Variants in INSRR observed in about 807,000 individuals in gnomAD.
INSRR encodes insulin receptor related receptor.
Under a neutral mutation model 130.0 loss-of-function variants are expected in INSRR, and 114 were observed. That is an observed-to-expected ratio of 0.88 (90% CI 0.75 to 1.02). INSRR has a LOEUF of 1.02. INSRR is among the 50% of genes least tolerant of loss of function. The pLI is 0.00. For missense variants in INSRR, 1,657 were observed against 1,735.2 expected (o/e 0.95, Z 0.80); for synonymous variants, 674 against 705.2 (o/e 0.96, Z 0.70).
Position 156,853,984 on chromosome 1 carries a change from C to T in INSRR, c.405G>A (p.Leu135=), listed in dbSNP as rs760570356. 5.6e-6 allele frequency: 9 copies of T among 1,613,468 alleles called. No homozygotes were observed. In the Admixed American group the frequency reaches 1.5e-4, roughly 27 times the overall value. ...TCTTCTCCACACGCACAGCCCCACGCAGCACGGCCCCAAGTGCAGGCAGTG... is the reference window on the plus strand; with the variant it reads ...TCTTCTCCACACGCACAGCCCCACGTAGCACGGCCCCAAGTGCAGGCAGTG... ...DVALPALGAV[L]RGAVRVEKNQ... Residue 135 remains leucine, a synonymous_variant, in exon 2 of 22, where the codon CTG becomes CTA. Coordinates refer to ENST00000368195, the MANE Select transcript of INSRR (RefSeq NM_014215.3).
In INSRR at chr1:156,849,334, G is replaced by A; in HGVS notation, c.1356C>T (p.His452=). 2 of 1,614,022 alleles carry A rather than the reference G, an allele frequency of 1.2e-6. No homozygotes were observed. The highest frequency in any genetic ancestry group is 1.7e-6 in the Non-Finnish European group (2 of 1,180,020). The stretch of plus-strand genomic sequence containing the variant: ...CTGTCACCTCCTCCAGTCGGTAGAT[G>A]TGTTCCAAGCAGAGGCGCGGGTTGA... ...FAFNPRLCLE[H]IYRLEEVTGT... is the part of the protein sequence containing the mutation. The change falls in exon 6 of 22, where the codon CAC becomes CAT. Residue 452 remains histidine, a synonymous_variant. Coordinates refer to ENST00000368195, the MANE Select transcript of INSRR (RefSeq NM_014215.3).
In INSRR at chr1:156,846,613, T is replaced by C; in HGVS notation, c.1716A>G (p.Ala572=). The change falls in exon 8 of 22, where the codon GCA becomes GCG. Residue 572 remains alanine, a synonymous_variant. Coordinates refer to ENST00000368195, the MANE Select transcript of INSRR (RefSeq NM_014215.3). ...LASLKPWTQY[A]VFVRAITLTT... ...TTAGCGTGATGGCCCGCACAAACAC[T>C]GCGTACTGTGTCCAAGGCTTGAGGG... The C allele has an allele frequency of 6.2e-7, 1 of 1,614,176 alleles. No homozygotes were observed. Among genetic ancestry groups the C allele is most frequent in the Non-Finnish European group, 8.5e-7 (1 of 1,180,012 alleles).
At position 156,844,757 on chromosome 1, in the gene INSRR, G is replaced by T; in HGVS notation, c.2524C>A (p.Pro842Thr). Residue 842 changes from proline (P) to threonine (T), a missense_variant, in exon 13 of 22, where the codon CCC (proline) becomes ACC (threonine). Coordinates refer to ENST00000368195, the MANE Select transcript of INSRR (RefSeq NM_014215.3). ...VLLRWLEPPD[P>T]NGLILKYEIK... ...TCGTACTTGAGGATGAGTCCGTTGG[G>T]GTCTGGTGGCTCGAGCCAGCGCAGA... The T allele has an allele frequency of 6.2e-7, 1 of 1,614,158 alleles. No homozygotes were observed. Among genetic ancestry groups the T allele is most frequent in the Non-Finnish European group, 8.5e-7 (1 of 1,180,038 alleles).
chr1:156,841,606 G>T (rs987375243), intron 20 of INSRR, 59 bp downstream of exon 20: 8 of 1,609,336 alleles, frequency 5.0e-6, no homozygotes, highest in East Asian at 2.2e-5. Context: ...GGTGTTCCAG[G>T]CCCCTCCCCA....
In INSRR at chr1:156,852,031, G is replaced by A. The variant is rs973103696; in HGVS notation, c.798C>T (p.Thr266=). The stretch of plus-strand genomic sequence containing the variant: ...CACAGCGCCAGGACTCATACTGGTA[G>A]GTGCCTGGCGGGCAGGCCCACAGGC... ...GACLWACPPG[T]YQYESWRCVT... Residue 266 remains threonine, a synonymous_variant, in exon 3 of 22, where the codon ACC becomes ACT. Coordinates refer to ENST00000368195, the MANE Select transcript of INSRR (RefSeq NM_014215.3). The A allele has an allele frequency of 6.2e-7, 1 of 1,613,382 alleles. No homozygotes were observed. The highest frequency in any genetic ancestry group is 8.5e-7 in the Non-Finnish European group (1 of 1,179,906).
At chr1:156,850,911 A>G (rs532636325) in intron 5 of INSRR, among the ~76,000 whole-genome samples, 50 of 152,212 alleles carry the variant, frequency 3.3e-4, no homozygotes, top group Non-Finnish European at 4.4e-4. Flanking sequence ...CTTGACTGGC[A>G]GATGATAGGA....
rs1422921516 is a variant in INSRR, at chr1:156,844,753, T to C, written c.2528A>G (p.Asn843Ser). 2 of 1,614,020 alleles carry C rather than the reference T, an allele frequency of 1.2e-6. No individual in the cohort carries two copies. Among genetic ancestry groups the C allele is most frequent in the Admixed American group, 1.7e-5 (1 of 60,006 alleles). ...LLRWLEPPDP[N>S]GLILKYEIKY... ...GATTTCGTACTTGAGGATGAGTCCG[T>C]TGGGGTCTGGTGGCTCGAGCCAGCG... The change falls in exon 13 of 22, where the codon AAC becomes AGC. Residue 843 changes from asparagine to serine, a missense_variant. Transcript: ENST00000368195.
chr1:156,845,153 A>G lies in INSRR; in HGVS notation c.2360T>C (p.Ile787Thr), dbSNP rs1366033785. The change falls in exon 12 of 22, where the codon ATC becomes ACC. Residue 787 changes from isoleucine to threonine, a missense_variant. Coordinates refer to ENST00000368195, the MANE Select transcript of INSRR (RefSeq NM_014215.3). ...LRHFTEYRID[I>T]HACNHAAHTV... ...GTGCGCCGCGTGGTTGCAGGCATGG[A>G]TGTCGATCCGGTATTCCGTGAAGTG... 1 of 1,611,846 alleles carries G rather than the reference A, an allele frequency of 6.2e-7. No individual in the cohort carries two copies. The highest frequency in any genetic ancestry group is 1.7e-5 in the Admixed American group (1 of 59,772).
intron 5 of INSRR, 43 bp from the exon 6 acceptor site, chr1:156,849,503 C>CTGGGGGGGGGGGGGGGGGG: frequency 8.3e-6 from 4 of 483,668 alleles, no homozygotes; most frequent in East Asian, 5.3e-5. Flanking sequence ...GAGGTGGGGG[C>CTGGGGGGGGGGGGGGGGGG]AGGGGGTGGG....
intron 1 of INSRR, among the ~76,000 whole-genome samples, chr1:156,856,222 G>T (rs1480783755): frequency 6.6e-6 from 1 of 152,104 alleles, no homozygotes; most frequent in Non-Finnish European, 1.5e-5. Flanking sequence ...AGGGATATTT[G>T]TATAATTCAT....
At chr1:156,843,273 C>G (rs754003321) in intron 16 of INSRR, 40 bp from the exon 17 acceptor site, 1 of 1,592,142 alleles carries the variant, frequency 6.3e-7, no homozygotes, top group Non-Finnish European at 8.6e-7. Flanking sequence ...GGATGCTGCT[C>G]TCTGCCACAC....
chr1:156,848,886 C>T (rs1376536674), intron 7 of INSRR, 35 bp downstream of exon 7: 2 of 1,545,332 alleles, frequency 1.3e-6, no homozygotes, highest in Non-Finnish European at 1.7e-6. Context: ...CTCGTCCGGT[C>T]CCGCCCCCGC....
In INSRR at chr1:156,843,422, C is replaced by T. The variant is rs776798739; in HGVS notation, c.2896+5G>A. The T allele has an allele frequency of 2.5e-6, 4 of 1,614,066 alleles. No homozygotes were observed. In the South Asian group the frequency reaches 4.4e-5, roughly 18 times the overall value. On this transcript the variant is annotated splice_donor_5th_base_variant and intron_variant, in intron 16 of 21. Coordinates refer to ENST00000368195, the MANE Select transcript of INSRR (RefSeq NM_014215.3). ...CACCACCTGTCCACCCACTCCCAGACCTACTATCAGAGGCGCTGAAGTACT... is the reference window on the plus strand; with the variant it reads ...CACCACCTGTCCACCCACTCCCAGATCTACTATCAGAGGCGCTGAAGTACT...
rs1316284556 is a variant in INSRR, at chr1:156,852,205, G to T, written c.638-14C>A. 1 of 1,575,686 alleles carries T rather than the reference G, an allele frequency of 6.3e-7. No homozygotes were observed. The highest frequency in any genetic ancestry group is 8.6e-7 in the Non-Finnish European group (1 of 1,157,924). On this transcript the variant is annotated splice_polypyrimidine_tract_variant and intron_variant, in intron 2 of 21. Transcript: ENST00000368195. The stretch of plus-strand genomic sequence containing the variant: ...GGCAGGGGCACACTGTGGGGAGAGT[G>T]GTGTGTTAGACGTTGGCCATGCCCC...
At chr1:156,855,657 T>C (rs930607522) in intron 1 of INSRR, among the ~76,000 whole-genome samples, 1 of 151,506 alleles carries the variant, frequency 6.6e-6, no homozygotes, top group African/African-American at 2.4e-5. Flanking sequence ...ACCCCACCTC[T>C]AAAAAAAATA....
In INSRR at chr1:156,840,955, G is replaced by C; in HGVS notation, c.3812C>G (p.Ser1271Cys). 1 of 1,614,020 alleles carries C rather than the reference G, an allele frequency of 6.2e-7. No individual in the cohort carries two copies. The highest frequency in any genetic ancestry group is 8.5e-7 in the Non-Finnish European group (1 of 1,179,986). Residue 1271 changes from serine (S) to cysteine (C), a missense_variant, in exon 22 of 22, where the codon TCC becomes TGC. Physicochemically the swap from Ser to Cys is moderately radical, Grantham distance 112. Transcript: ENST00000368195. ...AGGCTCTGCATCGGTGGTAGGCAGG[G>C]AGCCCCGGGCCCCCCGGCATTCCGG... is the stretch of plus-strand genomic sequence containing the variant. ...YSPECRGARG[S>C]LPTTDAEPDS...
At position 156,846,787 on chromosome 1, in the gene INSRR, C is replaced by T. The variant is rs375873401; in HGVS notation, c.1572-30G>A. 16 of 1,546,346 alleles carry T rather than the reference C, an allele frequency of 1.0e-5. No homozygotes were observed. The African/African-American group carries it at 2.2e-4, about 21-fold the overall frequency. ...ACACCCATCCCCAGAGCTGAGGGGTCATTCAACCCCACCCTCAAGTTCTGG... is the reference window on the plus strand; with the variant it reads ...ACACCCATCCCCAGAGCTGAGGGGTTATTCAACCCCACCCTCAAGTTCTGG... On this transcript the variant is annotated intron_variant, in intron 7 of 21. Transcript: ENST00000368195.
At chr1:156,844,928 G>A (rs1654935684) in intron 12 of INSRR, 85 bp from the exon 13 acceptor site, 2 of 1,583,008 alleles carry the variant, frequency 1.3e-6, no homozygotes, top group Non-Finnish European at 1.7e-6. Flanking sequence ...GGCTGAGCTG[G>A]GAGGTGGGGA....
chr1:156,857,712 C>A (rs1453976354), intron 1 of INSRR, among the ~76,000 whole-genome samples: 3 of 152,202 alleles, frequency 2.0e-5, no homozygotes, highest in South Asian at 2.1e-4. Context: ...CCCCTGGGAG[C>A]CCCCAGTCTG....
Sources: allele counts gnomAD v4.1 joint callset (sites outside exome capture counted in the v4.1 genomes callset), GRCh38; gene constraint gnomAD v4.1.1; transcripts MANE v1.5; gene names NCBI Gene and HGNC (gene_info 2026-07-23, HGNC 2026-07-21).